The following DHX32 variants were observed in gnomAD, a reference collection of about 807,000 sequenced individuals.
The protein encoded by DHX32 is DEAH-box helicase 32 (putative).
Under a neutral mutation model 70.0 loss-of-function variants are expected in DHX32, and 51 were observed. That is an observed-to-expected ratio of 0.73 (90% CI 0.58 to 0.92). DHX32 has a LOEUF of 0.92. Ranked by LOEUF, DHX32 falls within the 40% of genes least tolerant of loss-of-function variation. The pLI is 0.00. For synonymous variants in DHX32, 310 were observed against 315.3 expected (o/e 0.98, Z 0.18); for missense variants, 762 against 891.8 (o/e 0.85, Z 1.85).
At chr10:125,871,714 T>C (rs769692217) in intron 1 of DHX32, among the ~76,000 whole-genome samples, 16 of 152,184 alleles carry the variant, frequency 1.1e-4, no homozygotes, top group Non-Finnish European at 2.1e-4. Flanking sequence ...ATGTTATCAT[T>C]TGGCAAATGT....
At chr10:125,860,897 C>A (rs1429892659) in intron 2 of DHX32, among the ~76,000 whole-genome samples, 1 of 151,246 alleles carries the variant, frequency 6.6e-6, no homozygotes, top group African/African-American at 2.4e-5. Flanking sequence ...GGACTACAGG[C>A]GCCCGCCACC....
intron 1 of DHX32, among the ~76,000 whole-genome samples, chr10:125,871,544 A>G (rs970432332): frequency 5.3e-5 from 8 of 152,192 alleles, no homozygotes; most frequent in African/African-American, 1.9e-4. Context: ...GCAAACACAA[A>G]CTGAAAAGGT....
upstream of DHX32, among the ~76,000 whole-genome samples, chr10:125,881,484 C>T (rs191481923): frequency 2.6e-5 from 4 of 152,280 alleles, no homozygotes; most frequent in East Asian, 7.7e-4. Context: ...GAGTGTTCCT[C>T]TAACACAGGC....
At chr10:125,891,660 G>C (rs1944371925) in intron 1 of DHX32, among the ~76,000 whole-genome samples, 2 of 152,298 alleles carry the variant, frequency 1.3e-5, no homozygotes, top group Admixed American at 1.3e-4. Context: ...CATTTTACAT[G>C]AACTTTAATA....
intron 1 of DHX32, among the ~76,000 whole-genome samples, chr10:125,877,870 A>G (rs1388648169): frequency 6.6e-6 from 1 of 152,202 alleles, no homozygotes; most frequent in Admixed American, 6.5e-5. Context: ...GGGTTCCATC[A>G]GTTTCTAATT....
Position 125,854,075 on chromosome 10 carries a change from TTC to T in DHX32, c.976_977del (p.Glu326LysfsTer15). On this transcript the variant is annotated frameshift_variant, in exon 4 of 11. Transcript: ENST00000284690. LOFTEE classifies it high-confidence loss of function. ...CSLFKPLDETEKRCQVYQRRV... is the reference protein window; with the variant it reads ...CSLFKPLDETXKRCQVYQRRV... The stretch of plus-strand genomic sequence containing the variant: ...TTCTTTGATAAACTTGGCATCTTTT[TTC>T]TGTTTCATCGAGTGGCTTGAACAAT... 6.2e-7 allele frequency: 1 copy of T among 1,614,140 alleles called. No homozygotes were observed. Among genetic ancestry groups the T allele is most frequent in the Non-Finnish European group, 8.5e-7 (1 of 1,180,016 alleles).
chr10:125,883,758 A>C (rs1944330306), upstream of DHX32, among the ~76,000 whole-genome samples: 2 of 152,208 alleles, frequency 1.3e-5, no homozygotes, highest in Non-Finnish European at 2.9e-5. Context: ...TCACAATTTA[A>C]CTTTTTCATT....
At position 125,866,230 on chromosome 10, in the gene DHX32, G is replaced by A. The variant is rs1944219505; in HGVS notation, c.476+760C>T. 6.6e-6 allele frequency among the ~76,000 whole-genome samples: 1 copy of A among 152,238 alleles called. No individual in the cohort carries two copies. On this transcript the variant is annotated intron_variant, in intron 2 of 10. Coordinates refer to ENST00000284690, the MANE Select transcript of DHX32 (RefSeq NM_018180.3). This position sits in a 1 kb window ranked among gnomAD's most constrained non-coding sequence, Gnocchi z 4.8. ...TTTCTATGATGGCTGTAATATAAAGGTGCTTGAGAAGCACTAGCCCAGAGC... is the reference window on the plus strand; with the variant it reads ...TTTCTATGATGGCTGTAATATAAAGATGCTTGAGAAGCACTAGCCCAGAGC...
chr10:125,850,758 A>G (rs977303815), intron 6 of DHX32, among the ~76,000 whole-genome samples: 1 of 152,218 alleles, frequency 6.6e-6, no homozygotes, highest in African/African-American at 2.4e-5. Context: ...TCATAATCCA[A>G]AGAATCATAG....
intron 6 of DHX32, among the ~76,000 whole-genome samples, chr10:125,846,326 C>T (rs533680603): frequency 5.3e-4 from 80 of 152,178 alleles, no homozygotes; most frequent in African/African-American, 1.9e-3. Flanking sequence ...ACTGGCAGCC[C>T]CAGAACAACC....
At chr10:125,861,762 C>T (rs918023175) in intron 2 of DHX32, among the ~76,000 whole-genome samples, 19 of 152,174 alleles carry the variant, frequency 1.2e-4, no homozygotes, top group African/African-American at 4.6e-4. Context: ...AACTTCGTCC[C>T]ATCCACTATT....
Position 125,836,548 on chromosome 10 carries a change from A to T in DHX32, c.*139T>A. The T allele has an allele frequency of 7.5e-7, 1 of 1,336,062 alleles. No individual in the cohort carries two copies. The highest frequency in any genetic ancestry group is 2.7e-4 in the Middle Eastern group (1 of 3,700). The allele number at this position is 1,336,062 out of a possible 1,614,324, so 82.8% of individuals were successfully genotyped here. ...AAAAACTTCTATTTTTTATTTTAAA[A>T]TAATATACACAGTGTTATTTTCTTC... On this transcript the variant is annotated 3_prime_UTR_variant, in exon 11 of 11. Transcript: ENST00000284690.
At chr10:125,838,483 C>A in intron 9 of DHX32, 96 bp from the exon 10 acceptor site, 1 of 1,180,136 alleles carries the variant, frequency 8.5e-7, no homozygotes. Flanking sequence ...GTATTTTATA[C>A]GGGATAGTTA....
chr10:125,851,938 AAAAG>A (rs1473301734), intron 6 of DHX32, among the ~76,000 whole-genome samples: 4 of 151,162 alleles, frequency 2.6e-5, no homozygotes, highest in African/African-American at 7.3e-5. Context: ...AAAAAAAAAA[AAAAG>A]AAAAGAAAAA....
chr10:125,891,609 T>G (rs1460633856), intron 1 of DHX32, among the ~76,000 whole-genome samples: 1 of 152,286 alleles, frequency 6.6e-6, no homozygotes, highest in Non-Finnish European at 1.5e-5. Flanking sequence ...TTTTTAAACA[T>G]AAATATCAAG....
intron 2 of DHX32, among the ~76,000 whole-genome samples, chr10:125,863,045 T>C (rs555468544): frequency 3.3e-5 from 5 of 151,954 alleles, no homozygotes; most frequent in African/African-American, 1.2e-4. Context: ...TAAGGCTAAA[T>C]TTCTAAAAGC....
intron 4 of DHX32, chr10:125,853,397 A>G: frequency 2.3e-6 from 1 of 430,366 alleles, no homozygotes. Context: ...AGTTTGAGAT[A>G]CCTTGTTTTC....
chr10:125,884,630 T>C (rs1944333234), upstream of DHX32, among the ~76,000 whole-genome samples: 1 of 152,204 alleles, frequency 6.6e-6, no homozygotes, highest in Non-Finnish European at 1.5e-5. Context: ...AAGATGAAGC[T>C]ATGTCTTAGT....
At chr10:125,881,309 T>C (rs1269379765), upstream of DHX32, 1 of 153,740 alleles carries the variant, frequency 6.5e-6, no homozygotes, top group African/African-American at 2.4e-5. Flanking sequence ...CCTCGTGCTC[T>C]CTGCCTGACC....
Sources: gnomAD v4.1 joint callset for allele counts (sites outside exome capture counted in the v4.1 genomes callset) on GRCh38, gnomAD v4.1.1 for gene constraint, Gnocchi (gnomAD v3.1) non-coding constraint, MANE v1.5 for transcripts, NCBI Gene and HGNC (gene_info 2026-07-23, HGNC 2026-07-21) for gene names.